CDK19: variants seen among roughly 807,000 people sequenced by gnomAD.
CDK19 encodes the protein cyclin dependent kinase 19, also known as cyclin-dependent kinase 19.
A neutral mutation model predicts 68.3 loss-of-function variants in CDK19; 20 were observed. The observed-to-expected ratio is 0.29, with a 90% CI of 0.21 to 0.43. The LOEUF is 0.43. Among genes scored for constraint, CDK19 ranks in the 20% least tolerant of loss-of-function variants. The pLI, the probability that CDK19 is intolerant of heterozygous loss-of-function variation, is 1.00. For missense variants in CDK19, 339 were observed against 623.5 expected, an observed-to-expected ratio of 0.54 and a Z score of 4.86; for synonymous variants, 221 against 222.8, an observed-to-expected ratio of 0.99 and a Z score of 0.07.
intron 2 of CDK19, among the ~76,000 whole-genome samples, chr6:110,740,008 ATTTG>A (rs1210952572): frequency 6.6e-6 from 1 of 151,986 alleles, no homozygotes; most frequent in Non-Finnish European, 1.5e-5. Flanking sequence ...TGAAATTTAT[ATTTG>A]TATTATTCCA....
rs879868984 is a variant in CDK19 at position 110,611,785 on chromosome 6, C to CAA, written c.*2748_*2749dup. The CAA allele has an allele frequency of 2.1e-4, 27 of 129,884 alleles. No individual in the cohort carries two copies. Among genetic ancestry groups the CAA allele is most frequent in the Admixed American group, 4.7e-4 (6 of 12,736 alleles). 8.0% of individuals were successfully genotyped at this position (129,884 alleles called of 1,614,324 possible). ...TGGGTGACAGAGCAACACTCCGTCTCAAAAAAAAAAAAGGCTTTGTTCCCC... is the reference window on the plus strand; with the variant it reads ...TGGGTGACAGAGCAACACTCCGTCTCAAAAAAAAAAAAAAGGCTTTGTTCCCC... On this transcript the variant is annotated 3_prime_UTR_variant, in exon 13 of 13. Coordinates refer to ENST00000368911, the MANE Select transcript of CDK19 (RefSeq NM_015076.5).
At chr6:110,619,753 A>G (rs1209142924) in intron 12 of CDK19, among the ~76,000 whole-genome samples, 1 of 151,884 alleles carries the variant, frequency 6.6e-6, no homozygotes, top group African/African-American at 2.4e-5. Context: ...CTCTTTGGCT[A>G]TACCTCTCCA....
chr6:110,799,394 T>A (rs1439384763), intron 1 of CDK19, among the ~76,000 whole-genome samples: 1 of 151,958 alleles, frequency 6.6e-6, no homozygotes, highest in Non-Finnish European at 1.5e-5. Flanking sequence ...GACCATGTGG[T>A]TGGTTTCAGT....
At chr6:110,630,092 A>T (rs757162381) in intron 6 of CDK19, among the ~76,000 whole-genome samples, 2 of 152,248 alleles carry the variant, frequency 1.3e-5, no homozygotes, top group Non-Finnish European at 2.9e-5. Context: ...CTCTCAAAGT[A>T]TATGGGTCCC....
chr6:110,674,904 A>G (rs1029963547), intron 2 of CDK19, among the ~76,000 whole-genome samples: 1 of 150,690 alleles, frequency 6.6e-6, no homozygotes. Context: ...TCTGTCTCAA[A>G]AAAAAAAAAA....
At position 110,813,715 on chromosome 6, in the gene CDK19, T is replaced by C. The variant is rs1027385776; in HGVS notation, c.128+1294A>G. On this transcript the variant is annotated intron_variant, in intron 1 of 12. Transcript: ENST00000368911. The stretch of plus-strand genomic sequence containing the variant: ...TACCTTATGACAAAACACTTTATAA[T>C]AGAGTTGTTTTATGAAGTTAGTGCA... 3.9e-4 allele frequency: 58 copies of C among 149,952 alleles called. 1 individual carries two copies. In the East Asian group the frequency reaches 0.012, roughly 30 times the overall value. The allele number at this position is 149,952 out of a possible 1,614,324, so 9.3% of individuals were successfully genotyped here. A position where few individuals can be genotyped will look rare whatever the true frequency, so the allele number is the denominator to read the frequency against.
At chr6:110,637,286 G>A (rs1779841581) in intron 5 of CDK19, among the ~76,000 whole-genome samples, 2 of 152,214 alleles carry the variant, frequency 1.3e-5, no homozygotes, top group African/African-American at 4.8e-5. Context: ...CTAAGAAAAG[G>A]AGTGCAAGAG....
chr6:110,652,756 C>G (rs952721861), intron 4 of CDK19, among the ~76,000 whole-genome samples: 3 of 152,264 alleles, frequency 2.0e-5, no homozygotes, highest in Non-Finnish European at 4.4e-5. Context: ...AATGAAGACA[C>G]AGAGAGAGAA....
At chr6:110,625,009 C>T (rs1778997470) in intron 8 of CDK19, among the ~76,000 whole-genome samples, 1 of 152,192 alleles carries the variant, frequency 6.6e-6, no homozygotes, top group Non-Finnish European at 1.5e-5. Flanking sequence ...TTTAGCACCA[C>T]CCTGGTATAT....
intron 10 of CDK19, 125 bp from the exon 11 acceptor site, chr6:110,622,291 TCAAATCTTGACTGCTGCTAG>T (rs1263210289): frequency 2.4e-5 from 16 of 675,412 alleles, no homozygotes; most frequent in Non-Finnish European, 4.0e-5. Flanking sequence ...TGGCTAGTGT[TCAAATCTTGACTGCTGCTAG>T]CTAGTTGACA....
rs575639890 is a variant in CDK19, at chr6:110,785,306, C to G, written c.128+29703G>C. 4.6e-5 allele frequency among the ~76,000 whole-genome samples: 7 copies of G among 152,250 alleles called. No homozygotes were observed. In the South Asian group the frequency reaches 1.5e-3, roughly 32 times the overall value. The stretch of plus-strand genomic sequence containing the variant: ...ACACAGGGCTTAGTGGCGCTTACCC[C>G]ACACACAGTCAAAAACCCACATGCA... On this transcript the variant is annotated intron_variant, in intron 1 of 12. Coordinates refer to ENST00000368911, the MANE Select transcript of CDK19 (RefSeq NM_015076.5).
In CDK19 at chr6:110,761,173, C is replaced by T. The variant is rs530018060; in HGVS notation, c.129-14972G>A. Among the ~76,000 whole-genome samples, 208 of 152,136 alleles carry T rather than the reference C, an allele frequency of 1.4e-3. 1 individual carries two copies. The highest frequency in any genetic ancestry group is 4.7e-3 in the African/African-American group (195 of 41,502). Reference sequence around the variant, plus strand: ...TTGTTGCCCAGGCTGGTCTCGAATGCCTTGGCTCAAGTCATCCTCCTGCCT... The same window carrying T: ...TTGTTGCCCAGGCTGGTCTCGAATGTCTTGGCTCAAGTCATCCTCCTGCCT... On this transcript the variant is annotated intron_variant, in intron 1 of 12. Transcript: ENST00000368911.
At chr6:110,697,058 CAAAAAAA>C (rs747444458) in intron 2 of CDK19, among the ~76,000 whole-genome samples, 29 of 109,380 alleles carry the variant, frequency 2.7e-4, no homozygotes, top group Admixed American at 2.6e-3. Context: ...AACTCCATCT[CAAAAAAA>C]AAAAAAAAAT....
chr6:110,699,854 T>C (rs1009151082), intron 2 of CDK19, among the ~76,000 whole-genome samples: 1 of 152,180 alleles, frequency 6.6e-6, no homozygotes, highest in African/African-American at 2.4e-5. Flanking sequence ...CATCAAGTCA[T>C]AAGAAAGTAG....
rs1310215652 is a variant in CDK19, at chr6:110,739,738, C to T, written c.204+6388G>A. ...CTCTAACTCCTGGACTCAAGCAATC[C>T]TCCCACCTCAGCCTCCCAGGTAGCT... On this transcript the variant is annotated intron_variant, in intron 2 of 12. Transcript: ENST00000368911. 2.6e-5 allele frequency among the ~76,000 whole-genome samples: 4 copies of T among 151,412 alleles called. No individual in the cohort carries two copies. The East Asian group carries it at 7.7e-4, about 29-fold the overall frequency.
chr6:110,613,791 A>T lies in CDK19; in HGVS notation c.*744T>A, dbSNP rs943151389. On this transcript the variant is annotated 3_prime_UTR_variant, in exon 13 of 13. Coordinates refer to ENST00000368911, the MANE Select transcript of CDK19 (RefSeq NM_015076.5). ...AAGGTTAAAATTGTAATTCTTAATT[A>T]CTGAATGCTATTCAGAATAAGATGA... 2.6e-5 allele frequency: 4 copies of T among 152,640 alleles called. No individual in the cohort carries two copies. The highest frequency in any genetic ancestry group is 9.7e-5 in the African/African-American group (4 of 41,446). 9.5% of individuals were successfully genotyped at this position (152,640 alleles called of 1,614,324 possible). A position where few individuals can be genotyped will look rare whatever the true frequency, so the allele number is the denominator to read the frequency against.
chr6:110,663,930 G>T (rs898918407), intron 4 of CDK19, among the ~76,000 whole-genome samples: 1 of 152,152 alleles, frequency 6.6e-6, no homozygotes, highest in Non-Finnish European at 1.5e-5. Context: ...TACTACGTAA[G>T]AACCATATTC....
At chr6:110,734,520 G>GCTCGCTCGCTCTCTCT (rs991736850) in intron 2 of CDK19, among the ~76,000 whole-genome samples, 5 of 85,780 alleles carry the variant, frequency 5.8e-5, no homozygotes, top group Non-Finnish European at 9.3e-5. Flanking sequence ...GGTGAGCACT[G>GCTCGCTCGCTCTCTCT]CTCTCTCTCT....
At chr6:110,752,474 G>A (rs1239465844) in intron 1 of CDK19, among the ~76,000 whole-genome samples, 2 of 151,928 alleles carry the variant, frequency 1.3e-5, no homozygotes, top group African/African-American at 2.4e-5. Flanking sequence ...CTATTATTTT[G>A]TTTTCTTCTT....
Sources: gnomAD v4.1 joint callset for allele counts (sites outside exome capture counted in the v4.1 genomes callset) on GRCh38, gnomAD v4.1.1 for gene constraint, MANE v1.5 for transcripts, NCBI Gene and HGNC (gene_info 2026-07-23, HGNC 2026-07-21) for gene names.